Variants in NDUFAF6 observed in about 807,000 individuals in gnomAD.
The protein encoded by NDUFAF6 is NADH dehydrogenase (ubiquinone) complex I, assembly factor 6.
A neutral mutation model predicts 40.8 loss-of-function variants in NDUFAF6; 45 were observed. That is an observed-to-expected ratio of 1.10 (90% CI 0.87 to 1.42). The LOEUF (loss-of-function observed/expected upper bound fraction) is 1.42, where lower values mean the gene tolerates loss of function less well. NDUFAF6 is among the 40% of genes most tolerant of loss of function. The probability of loss-of-function intolerance (pLI) is 0.00; values close to 1 mark genes in which losing one functional copy is unlikely to be tolerated. For missense variants in NDUFAF6, 435 were observed against 418.5 expected (o/e 1.04, Z -0.34); for synonymous variants, 185 against 155.9 (o/e 1.19, Z -1.39).
chr8:94,903,628 G>T (rs902159179), intron 1 of NDUFAF6, among the ~76,000 whole-genome samples: 2 of 152,060 alleles, frequency 1.3e-5, no homozygotes, highest in African/African-American at 2.4e-5. Flanking sequence ...TCTTGGGTTC[G>T]GGGGGAGTTT....
At chr8:95,067,475 A>C (rs2132025564) in intron 9 of NDUFAF6, 1 of 152,034 alleles carries the variant, frequency 6.6e-6, no homozygotes, top group Non-Finnish European at 1.5e-5. Context: ...TGCCCGGGGC[A>C]CTGTCTTCCT....
At chr8:95,000,697 A>G (rs796284345) in intron 2 of NDUFAF6, among the ~76,000 whole-genome samples, 1 of 151,504 alleles carries the variant, frequency 6.6e-6, no homozygotes, top group African/African-American at 2.4e-5. Flanking sequence ...GCACTTTGAG[A>G]GGCTGAGGCG....
intron 2 of NDUFAF6, among the ~76,000 whole-genome samples, chr8:94,996,609 C>G (rs1826441368): frequency 6.6e-6 from 1 of 152,138 alleles, no homozygotes; most frequent in African/African-American, 2.4e-5. Flanking sequence ...AATGTCTGCT[C>G]ACCGTGCAGA....
intron 2 of NDUFAF6, among the ~76,000 whole-genome samples, chr8:94,990,029 C>T (rs1237635703): frequency 6.6e-6 from 1 of 152,130 alleles, no homozygotes; most frequent in Non-Finnish European, 1.5e-5. Flanking sequence ...CACGCCTGGC[C>T]AAAAGTTTTA....
At chr8:95,002,322 TA>T (rs1826773168) in intron 2 of NDUFAF6, among the ~76,000 whole-genome samples, 1 of 152,224 alleles carries the variant, frequency 6.6e-6, no homozygotes, top group South Asian at 2.1e-4. Context: ...GTCACAACAT[TA>T]TTTGTTGAAC....
At chr8:95,118,225 G>A (rs545650180), downstream of NDUFAF6, among the ~76,000 whole-genome samples, 1 of 152,222 alleles carries the variant, frequency 6.6e-6, no homozygotes, top group Non-Finnish European at 1.5e-5. Flanking sequence ...CCAAGAGTGA[G>A]TATTCCAAGA....
exon 3 of NDUFAF6, chr8:95,103,267 A>G (rs1369408640): frequency 6.6e-6 from 1 of 152,226 alleles, no homozygotes; most frequent in Admixed American, 6.5e-5. Flanking sequence ...ACCTGTTGAT[A>G]CCAGAAGAGG....
At chr8:95,036,458 C>A (rs185959153) in intron 3 of NDUFAF6, 6 of 1,289,284 alleles carry the variant, frequency 4.7e-6, no homozygotes, top group South Asian at 2.5e-5. Flanking sequence ...CAGAACCCCC[C>A]AACTGGGGAT....
At chr8:95,041,241 G>A (rs1830114010) in intron 3 of NDUFAF6, among the ~76,000 whole-genome samples, 1 of 151,830 alleles carries the variant, frequency 6.6e-6, no homozygotes, top group Admixed American at 6.6e-5. Flanking sequence ...AAAAAGTCAG[G>A]GTATATCACT....
At chr8:95,095,143 G>C (rs1809413560) in intron 2 of NDUFAF6, among the ~76,000 whole-genome samples, 1 of 151,006 alleles carries the variant, frequency 6.6e-6, no homozygotes, top group Non-Finnish European at 1.5e-5. Flanking sequence ...ATTAAAAAAA[G>C]AAAAAGCCGT....
chr8:95,032,889 T>G (rs1587034763), intron 2 of NDUFAF6, among the ~76,000 whole-genome samples: 1 of 152,142 alleles, frequency 6.6e-6, no homozygotes, highest in Admixed American at 6.5e-5. Flanking sequence ...AGACTGGCTG[T>G]TTTTTCCTCT....
chr8:94,947,539 A>T (rs1271396526), intron 2 of NDUFAF6, among the ~76,000 whole-genome samples: 2 of 152,172 alleles, frequency 1.3e-5, no homozygotes, highest in Admixed American at 1.3e-4. Context: ...ACTTATATGA[A>T]GACTAGATTC....
upstream of NDUFAF6, among the ~76,000 whole-genome samples, chr8:95,098,017 C>T (rs1025940182): frequency 6.6e-6 from 1 of 151,888 alleles, no homozygotes; most frequent in Non-Finnish European, 1.5e-5. Context: ...AGAGGAGTTT[C>T]CTTATTTTCT....
intron 1 of NDUFAF6, among the ~76,000 whole-genome samples, chr8:94,923,876 G>A (rs1472586608): frequency 6.8e-6 from 1 of 147,302 alleles, no homozygotes; most frequent in Non-Finnish European, 1.5e-5. Context: ...TTTTAGTATA[G>A]GCCGGGTTTC....
At chr8:94,902,418 CAAA>C (rs369670770) in intron 1 of NDUFAF6, among the ~76,000 whole-genome samples, 9 of 132,524 alleles carry the variant, frequency 6.8e-5, no homozygotes, top group African/African-American at 8.6e-5. Flanking sequence ...GGCCCTGTCT[CAAA>C]AAAAAAAAAA....
At chr8:95,111,844 G>A (rs576017563) in intron 4 of NDUFAF6, among the ~76,000 whole-genome samples, 4 of 152,172 alleles carry the variant, frequency 2.6e-5, no homozygotes, top group African/African-American at 9.7e-5. Context: ...TCATACAAAT[G>A]ACCATATATT....
intron 8 of NDUFAF6, 37 bp downstream of exon 8, chr8:95,052,267 A>G (rs770603841): frequency 6.3e-7 from 1 of 1,581,036 alleles, no homozygotes; most frequent in Non-Finnish European, 8.7e-7. Flanking sequence ...ATAATTAGTG[A>G]AGCAGATGTG....
intron 9 of NDUFAF6, among the ~76,000 whole-genome samples, chr8:95,063,964 AG>A (rs1832634254): frequency 6.7e-6 from 1 of 149,840 alleles, no homozygotes; most frequent in Non-Finnish European, 1.5e-5. Flanking sequence ...CTCTGCCTCC[AG>A]GGTTCACACC....
intron 1 of NDUFAF6, among the ~76,000 whole-genome samples, chr8:94,972,735 T>TAAAA (rs558408157): frequency 8.3e-5 from 11 of 132,724 alleles, no homozygotes; most frequent in Admixed American, 7.7e-5. Flanking sequence ...TACTGAAACT[T>TAAAA]AAAAAAAAAA....
Sources: gnomAD v4.1 joint callset for allele counts (sites outside exome capture counted in the v4.1 genomes callset) on GRCh38, gnomAD v4.1.1 for gene constraint, MANE v1.5 for transcripts, NCBI Gene and HGNC (gene_info 2026-07-23, HGNC 2026-07-21) for gene names.